FOXP2: variants seen among roughly 807,000 people sequenced by gnomAD.
The protein encoded by FOXP2 is forkhead box P2, also known as forkhead box protein P2.
In FOXP2, 12 loss-of-function variants were observed where a neutral mutation model predicts 115.8. The observed-to-expected ratio is 0.10, with a 90% CI of 0.07 to 0.17. FOXP2 has a LOEUF of 0.17. FOXP2 is among the 10% of genes least tolerant of loss of function. The pLI is 1.00. For missense variants in FOXP2, 629 were observed against 843.5 expected, an observed-to-expected ratio of 0.75 and a Z score of 3.15; for synonymous variants, 328 against 297.7, an observed-to-expected ratio of 1.10 and a Z score of -1.05.
chr7:114,326,433 C>T (rs1562871888), intron 2 of FOXP2, among the ~76,000 whole-genome samples: 2 of 152,064 alleles, frequency 1.3e-5, no homozygotes, highest in South Asian at 2.1e-4. Flanking sequence ...GAGTGAAAAT[C>T]GTTTGCAAAA....
At chr7:114,255,055 C>A (rs145735615) in intron 1 of FOXP2, among the ~76,000 whole-genome samples, 2,205 of 152,286 alleles carry the variant, frequency 0.014, 53 homozygotes, top group African/African-American at 0.05. Flanking sequence ...GCTGGAGGTC[C>A]ACTCCAGACC....
chr7:114,379,167 CT>C (rs1412440074), intron 2 of FOXP2, among the ~76,000 whole-genome samples: 1 of 152,134 alleles, frequency 6.6e-6, no homozygotes, highest in Non-Finnish European at 1.5e-5. Flanking sequence ...AAGGGGGTTG[CT>C]GTTGCTGGCT....
chr7:114,672,350 C>T (rs1420692081), intron 16 of FOXP2, among the ~76,000 whole-genome samples: 1 of 151,992 alleles, frequency 6.6e-6, no homozygotes, highest in Admixed American at 6.6e-5. Flanking sequence ...TTTGGGAGGC[C>T]GAGGTGGGCA....
At chr7:114,310,458 AAG>A (rs775224567) in intron 2 of FOXP2, among the ~76,000 whole-genome samples, 20 of 152,152 alleles carry the variant, frequency 1.3e-4, no homozygotes, top group Non-Finnish European at 2.8e-4. Context: ...TGAGGGTCAC[AAG>A]AGTCCTCCAT....
intron 1 of FOXP2, among the ~76,000 whole-genome samples, chr7:114,286,083 G>T (rs1371932909): frequency 1.3e-5 from 2 of 151,576 alleles, no homozygotes; most frequent in East Asian, 1.9e-4. Flanking sequence ...ATTTCTATAT[G>T]GTGTGATAAG....
rs185250772 is a variant in FOXP2 at position 114,144,620 on chromosome 7, A to G, written c.-246-18324A>G. On this transcript the variant is annotated intron_variant, in intron 1 of 19. Transcript: ENST00000635638. ...TGACATATTAAAATATTAACTATAG[A>G]GTTTAAATTATGATATATTATGTAA... 2.7e-3 allele frequency among the ~76,000 whole-genome samples: 415 copies of G among 152,302 alleles called. 4 individuals carry two copies. Among genetic ancestry groups the G allele is most frequent in the African/African-American group, 9.6e-3 (401 of 41,584 alleles).
chr7:114,334,312 G>C (rs1001133139), intron 2 of FOXP2, among the ~76,000 whole-genome samples: 5 of 151,582 alleles, frequency 3.3e-5, no homozygotes, highest in Non-Finnish European at 7.4e-5. Context: ...TCCTTAAAGT[G>C]TAATTTCATA....
At chr7:114,610,141 G>A (rs1325131123) in intron 3 of FOXP2, among the ~76,000 whole-genome samples, 1 of 152,188 alleles carries the variant, frequency 6.6e-6, no homozygotes, top group African/African-American at 2.4e-5. Context: ...TAAAGATCTA[G>A]CAGTGAAGTT....
rs145828548 is a variant in FOXP2 at position 114,545,353 on chromosome 7, G to A, written c.258+10647G>A. 4.3e-3 allele frequency among the ~76,000 whole-genome samples: 647 copies of A among 152,214 alleles called. 8 individuals are homozygous for A. Among genetic ancestry groups the A allele is most frequent in the African/African-American group, 0.015 (611 of 41,550 alleles). ...GTCTAAATCTGAACTAATTAAAAAGGATTCTGAGCAGGTTTCTTGAGATGT... is the reference window on the plus strand; with the variant it reads ...GTCTAAATCTGAACTAATTAAAAAGAATTCTGAGCAGGTTTCTTGAGATGT... On this transcript the variant is annotated intron_variant, in intron 3 of 16. Coordinates refer to ENST00000350908, the MANE Select transcript of FOXP2 (RefSeq NM_014491.4).
At chr7:114,476,141 T>C (rs554230822) in intron 2 of FOXP2, among the ~76,000 whole-genome samples, 1 of 151,766 alleles carries the variant, frequency 6.6e-6, no homozygotes, top group East Asian at 1.9e-4. Context: ...CCCATTTGTT[T>C]ATTTTTATTT....
chr7:114,193,233 A>G (rs1793810901), intron 1 of FOXP2, among the ~76,000 whole-genome samples: 1 of 152,098 alleles, frequency 6.6e-6, no homozygotes, highest in Non-Finnish European at 1.5e-5. Context: ...GTTTGCATGT[A>G]TTATTGAATC....
At chr7:114,489,743 C>T (rs909156540) in intron 2 of FOXP2, among the ~76,000 whole-genome samples, 12 of 151,896 alleles carry the variant, frequency 7.9e-5, no homozygotes, top group Non-Finnish European at 1.3e-4. Context: ...GTGTATTTAC[C>T]ATCTGATTAA....
chr7:114,249,134 G>A lies in FOXP2; in HGVS notation c.-101-38885G>A, dbSNP rs776377934. On this transcript the variant is annotated intron_variant, in intron 1 of 17. Transcript: ENST00000634411. ...GATGATCTGAAAATCAGAGTAAGGG[G>A]GAAAAGTAATGCCTAGTTTGGGGAA... Among the ~76,000 whole-genome samples the A allele has an allele frequency of 2.0e-5, 3 of 152,062 alleles. No individual in the cohort carries two copies. In the South Asian group the frequency reaches 6.2e-4, roughly 32 times the overall value.
chr7:114,305,958 G>A (rs1335735266), intron 2 of FOXP2, among the ~76,000 whole-genome samples: 1 of 141,854 alleles, frequency 7.0e-6, no homozygotes, highest in Non-Finnish European at 1.6e-5. Context: ...GGGCACAAGG[G>A]GAGAGTCATA....
At chr7:114,678,917 T>C (rs753114360) in intron 16 of FOXP2, among the ~76,000 whole-genome samples, 7 of 152,224 alleles carry the variant, frequency 4.6e-5, no homozygotes, top group Non-Finnish European at 1.0e-4. Flanking sequence ...AACTATTTTA[T>C]TGATTTTTAA....
intron 2 of FOXP2, among the ~76,000 whole-genome samples, chr7:114,310,283 G>T (rs957334561): frequency 6.6e-6 from 1 of 152,168 alleles, no homozygotes; most frequent in Non-Finnish European, 1.5e-5. Context: ...CCCCCAGAGG[G>T]GTAGCTGCCA....
chr7:114,201,296 C>A (rs932251481), intron 1 of FOXP2, among the ~76,000 whole-genome samples: 3 of 151,848 alleles, frequency 2.0e-5, no homozygotes, highest in Non-Finnish European at 4.4e-5. Flanking sequence ...CATGGTGAGA[C>A]CCCATTTCTA....
At chr7:114,320,177 G>T (rs1797382937) in intron 2 of FOXP2, among the ~76,000 whole-genome samples, 1 of 152,172 alleles carries the variant, frequency 6.6e-6, no homozygotes. Context: ...TTTGTTGGCT[G>T]TATACTGCTT....
At chr7:114,635,825 A>ATTT (rs1563049933) in intron 6 of FOXP2, among the ~76,000 whole-genome samples, 4 of 152,184 alleles carry the variant, frequency 2.6e-5, no homozygotes, top group African/African-American at 4.8e-5. Flanking sequence ...TTAAAATATG[A>ATTT]TGAGAAAAAG....
Sources: gnomAD v4.1 joint callset for allele counts (sites outside exome capture counted in the v4.1 genomes callset) on GRCh38, gnomAD v4.1.1 for gene constraint, MANE v1.5 for transcripts, NCBI Gene and HGNC (gene_info 2026-07-23, HGNC 2026-07-21) for gene names.